Variants in ANGPT1 observed in about 807,000 individuals in gnomAD.
The protein encoded by ANGPT1 is angiopoietin 1.
In ANGPT1, 17 loss-of-function variants were observed where a neutral mutation model predicts 62.2. The ratio of observed to expected loss-of-function variants is 0.27; its 90% CI spans 0.19 to 0.41. The LOEUF is 0.41. Ranked by LOEUF, ANGPT1 falls within the 10% of genes least tolerant of loss-of-function variation. The pLI, the probability that ANGPT1 is intolerant of heterozygous loss-of-function variation, is 1.00. For synonymous variants in ANGPT1, 199 were observed against 198.9 expected (o/e 1.00, Z 0.00); for missense variants, 478 against 594.9 (o/e 0.80, Z 2.04).
intron 7 of ANGPT1, among the ~76,000 whole-genome samples, chr8:107,272,927 G>C (rs1422165596): frequency 1.3e-5 from 2 of 148,216 alleles, no homozygotes; most frequent in African/African-American, 4.9e-5. Context: ...TGAATCACGT[G>C]ACACCAAGAC....
At chr8:107,272,198 GA>G (rs780041638) in intron 7 of ANGPT1, among the ~76,000 whole-genome samples, 64 of 152,118 alleles carry the variant, frequency 4.2e-4, no homozygotes, top group Non-Finnish European at 7.8e-4. Context: ...ACAAAAGTGT[GA>G]AAAAATATGA....
rs1422480999 is a variant in ANGPT1 at position 107,417,980 on chromosome 8, C to T, written c.298-70883G>A. Among the ~76,000 whole-genome samples the T allele has an allele frequency of 2.0e-5, 3 of 152,212 alleles. No individual in the cohort carries two copies. The South Asian group carries it at 6.2e-4, about 32-fold the overall frequency. ...GGTAAATAGAATTGTTCTGTCTCTG[C>T]AAATTGGCATTTAGATGTTTATCTT... On this transcript the variant is annotated intron_variant, in intron 1 of 8. Coordinates refer to ENST00000517746, the MANE Select transcript of ANGPT1 (RefSeq NM_001146.5).
At chr8:107,332,856 C>A (rs1269658070) in intron 3 of ANGPT1, among the ~76,000 whole-genome samples, 2 of 152,206 alleles carry the variant, frequency 1.3e-5, no homozygotes, top group Non-Finnish European at 2.9e-5. Context: ...GTTGTTGCTG[C>A]ATTTCAGAGA....
chr8:107,307,445 A>C (rs1814745596), intron 4 of ANGPT1, among the ~76,000 whole-genome samples: 1 of 152,082 alleles, frequency 6.6e-6, no homozygotes, highest in South Asian at 2.1e-4. Context: ...CTGTTTTAAA[A>C]AACTACATCT....
intron 1 of ANGPT1, among the ~76,000 whole-genome samples, chr8:107,410,663 A>G (rs185465930): frequency 6.6e-6 from 1 of 152,308 alleles, no homozygotes; most frequent in East Asian, 1.9e-4. Context: ...TTATATATAA[A>G]AGTAACTTTC....
chr8:107,303,856 G>T (rs151209105), intron 4 of ANGPT1, among the ~76,000 whole-genome samples: 19 of 151,090 alleles, frequency 1.3e-4, no homozygotes, highest in African/African-American at 4.2e-4. Context: ...TAAAACAATG[G>T]AAGTACTGTT....
At chr8:107,384,280 A>G (rs1359372284) in intron 1 of ANGPT1, among the ~76,000 whole-genome samples, 1 of 152,142 alleles carries the variant, frequency 6.6e-6, no homozygotes. Flanking sequence ...GACTCTAAAT[A>G]TACATACAGG....
chr8:107,305,987 G>GT (rs548804666), intron 4 of ANGPT1, among the ~76,000 whole-genome samples: 3 of 151,772 alleles, frequency 2.0e-5, no homozygotes, highest in Non-Finnish European at 4.4e-5. Context: ...GACCTTTAGA[G>GT]TTTTTTTTGT....
At chr8:107,433,671 G>A (rs1316872049) in intron 1 of ANGPT1, among the ~76,000 whole-genome samples, 1 of 152,136 alleles carries the variant, frequency 6.6e-6, no homozygotes, top group Non-Finnish European at 1.5e-5. Context: ...CATAAGCCAG[G>A]CTTCTAGGAC....
chr8:107,497,884 A>T lies in ANGPT1; in HGVS notation c.-326T>A. On this transcript the variant is annotated 5_prime_UTR_variant, in exon 1 of 9. Transcript: ENST00000517746. Reference sequence around the variant, plus strand: ...AGTCAGCTGCGTGTACATATTCTAGACCCTTTCCTCTACCCTATCTGCTGC... The same window carrying T: ...AGTCAGCTGCGTGTACATATTCTAGTCCCTTTCCTCTACCCTATCTGCTGC... 1 of 479,420 alleles carries T rather than the reference A, an allele frequency of 2.1e-6. No individual in the cohort carries two copies. The allele number at this position is 479,420 out of a possible 1,614,324, so 29.7% of individuals were successfully genotyped here.
intron 1 of ANGPT1, among the ~76,000 whole-genome samples, chr8:107,423,302 G>A (rs148829208): frequency 4.6e-5 from 7 of 152,198 alleles, no homozygotes; most frequent in Non-Finnish European, 1.0e-4. Context: ...AAGTGTGCCC[G>A]CATGGTTGCA....
chr8:107,378,651 GT>G (rs1451155909), intron 1 of ANGPT1, among the ~76,000 whole-genome samples: 3 of 151,968 alleles, frequency 2.0e-5, no homozygotes, highest in Non-Finnish European at 2.9e-5. Context: ...TCATGGGGTG[GT>G]TTCCCCCATG....
intron 1 of ANGPT1, among the ~76,000 whole-genome samples, chr8:107,449,258 T>C (rs1350485033): frequency 6.6e-6 from 1 of 151,954 alleles, no homozygotes; most frequent in Non-Finnish European, 1.5e-5. Flanking sequence ...CCCTCCTTGG[T>C]GATGTTTTTG....
chr8:107,419,915 T>C (rs1319801115), intron 1 of ANGPT1, among the ~76,000 whole-genome samples: 1 of 152,210 alleles, frequency 6.6e-6, no homozygotes, highest in Non-Finnish European at 1.5e-5. Flanking sequence ...ACCACTACGC[T>C]AAATGCTTTA....
intron 2 of ANGPT1, among the ~76,000 whole-genome samples, chr8:107,341,659 A>G (rs1024993959): frequency 3.4e-5 from 5 of 149,138 alleles, no homozygotes; most frequent in Non-Finnish European, 7.4e-5. Context: ...ACATAATAAT[A>G]TAACCCTATA....
intron 1 of ANGPT1, among the ~76,000 whole-genome samples, chr8:107,459,817 G>T (rs896287175): frequency 6.6e-6 from 1 of 152,100 alleles, no homozygotes; most frequent in South Asian, 2.1e-4. Flanking sequence ...ATCCAAAGAC[G>T]CATCAAGTGA....
intron 5 of ANGPT1, among the ~76,000 whole-genome samples, chr8:107,300,021 G>GACATA (rs1814543406): frequency 7.3e-6 from 1 of 136,978 alleles, no homozygotes. Context: ...ATCTAGATAT[G>GACATA]TAGTTATATC....
chr8:107,270,907 T>G (rs562200673), intron 7 of ANGPT1, among the ~76,000 whole-genome samples: 1 of 152,092 alleles, frequency 6.6e-6, no homozygotes, highest in Non-Finnish European at 1.5e-5. Flanking sequence ...TAATGTAAAG[T>G]GTGACTAATC....
chr8:107,305,705 A>G (rs1207238290), intron 4 of ANGPT1, among the ~76,000 whole-genome samples: 1 of 152,056 alleles, frequency 6.6e-6, no homozygotes, highest in Non-Finnish European at 1.5e-5. Flanking sequence ...CATATCTGAA[A>G]TAGATATTGT....
Sources: allele counts gnomAD v4.1 joint callset (sites outside exome capture counted in the v4.1 genomes callset), GRCh38; gene constraint gnomAD v4.1.1; transcripts MANE v1.5; gene names NCBI Gene and HGNC (gene_info 2026-07-23, HGNC 2026-07-21).